The following LRRC8B variants were observed in gnomAD, a reference collection of about 807,000 sequenced individuals.
The protein encoded by LRRC8B is volume-regulated anion channel subunit LRRC8B.
LRRC8B carries 23 observed loss-of-function variants against 58.8 expected under a neutral mutation model. That is an observed-to-expected ratio of 0.39 (90% confidence interval 0.28 to 0.55). The LOEUF is 0.55. LRRC8B is among the 20% of genes least tolerant of loss of function. LRRC8B has a pLI of 0.62. For synonymous variants in LRRC8B, 359 were observed against 374.1 expected (o/e 0.96, Z 0.47); for missense variants, 694 against 936.0 (o/e 0.74, Z 3.37).
At chr1:89,538,123 A>T (rs772707747) in intron 1 of LRRC8B, among the ~76,000 whole-genome samples, 9 of 152,290 alleles carry the variant, frequency 5.9e-5, no homozygotes, top group Non-Finnish European at 1.3e-4. Context: ...GTTAGAACAT[A>T]CCACTCTTTT....
At chr1:89,540,660 TC>T (rs1483532617) in intron 1 of LRRC8B, among the ~76,000 whole-genome samples, 3 of 152,126 alleles carry the variant, frequency 2.0e-5, no homozygotes, top group African/African-American at 7.2e-5. Context: ...GCATACAGCT[TC>T]CTCAGGAAGA....
At chr1:89,548,703 G>A (rs1218226752) in intron 1 of LRRC8B, among the ~76,000 whole-genome samples, 2 of 152,164 alleles carry the variant, frequency 1.3e-5, no homozygotes. Flanking sequence ...GAAGCCAGAA[G>A]TCAGAAGAGT....
rs1655200436 is a variant in LRRC8B, at chr1:89,594,751, T to G, written c.*1708T>G. On this transcript the variant is annotated 3_prime_UTR_variant, in exon 6 of 6. Transcript: ENST00000330947. ...TTTTTAATGAATAAAATCAACTGAC[T>G]CATTTTTGGGAAATGTACATCTTTA... 6.6e-6 allele frequency: 1 copy of G among 152,210 alleles called. No individual in the cohort carries two copies. The highest frequency in any genetic ancestry group is 2.1e-4 in the South Asian group (1 of 4,834). 9.4% of individuals were successfully genotyped at this position (152,210 alleles called of 1,614,324 possible). A position where few individuals can be genotyped will look rare whatever the true frequency, so the allele number is the denominator to read the frequency against.
intron 3 of LRRC8B, among the ~76,000 whole-genome samples, chr1:89,571,425 C>T (rs1653467332): frequency 2.0e-5 from 3 of 151,688 alleles, no homozygotes; most frequent in Admixed American, 2.0e-4. Context: ...CCCTAGTTAT[C>T]TGTATTCCTA....
intron 1 of LRRC8B, among the ~76,000 whole-genome samples, chr1:89,526,131 C>T (rs1258465762): frequency 1.3e-5 from 2 of 152,210 alleles, no homozygotes; most frequent in Non-Finnish European, 2.9e-5. Flanking sequence ...AGAAGTCAAA[C>T]TGCAGTGTAA....
At chr1:89,540,567 TG>T (rs1650886306) in intron 1 of LRRC8B, among the ~76,000 whole-genome samples, 1 of 151,896 alleles carries the variant, frequency 6.6e-6, no homozygotes. Flanking sequence ...AGCATTGGAG[TG>T]GGAGTTGGAA....
chr1:89,552,026 A>G, intron 1 of LRRC8B, among the ~76,000 whole-genome samples: 1 of 152,120 alleles, frequency 6.6e-6, no homozygotes, highest in East Asian at 1.9e-4. Flanking sequence ...TCATTCTTAT[A>G]CAGAGCAGCA....
chr1:89,582,619 T>C lies in LRRC8B; in HGVS notation c.-26-6T>C. ...CAGTAGTGTTTCTTTTATTTCCCTC[T>C]TCCAGTTTCTGTCCTCCTACAAGGG... On this transcript the variant is annotated splice_polypyrimidine_tract_variant and splice_region_variant and intron_variant, in intron 4 of 5. Coordinates refer to ENST00000330947, the MANE Select transcript of LRRC8B (RefSeq NM_001369817.2). The C allele has an allele frequency of 2.0e-6, 3 of 1,504,962 alleles. No individual in the cohort carries two copies. Among genetic ancestry groups the C allele is most frequent in the Middle Eastern group, 3.9e-4 (2 of 5,078 alleles). 93.2% of individuals were successfully genotyped at this position (1,504,962 alleles called of 1,614,324 possible).
intron 1 of LRRC8B, among the ~76,000 whole-genome samples, chr1:89,566,681 C>T (rs1260317886): frequency 6.6e-6 from 1 of 152,200 alleles, no homozygotes; most frequent in African/African-American, 2.4e-5. Context: ...TCTTTGTGCA[C>T]TACAAAAAAG....
At chr1:89,542,045 A>G (rs1370789314) in intron 1 of LRRC8B, among the ~76,000 whole-genome samples, 1 of 152,214 alleles carries the variant, frequency 6.6e-6, no homozygotes, top group Non-Finnish European at 1.5e-5. Context: ...AAGTTGTAAA[A>G]TCCTGGGAGC....
rs755466290 is a variant in LRRC8B, at chr1:89,583,222, C to T, written c.572C>T (p.Ser191Leu). The T allele has an allele frequency of 4.3e-6, 7 of 1,614,146 alleles. No homozygotes were observed. Among genetic ancestry groups the T allele is most frequent in the Middle Eastern group, 1.6e-4 (1 of 6,062 alleles). The change falls in exon 5 of 6, where the codon TCG (serine) becomes TTG (leucine). Residue 191 changes from serine to leucine, a missense_variant. Physicochemically the swap from Ser to Leu is moderately radical, Grantham distance 145 (BLOSUM62 -2). Coordinates refer to ENST00000330947, the MANE Select transcript of LRRC8B (RefSeq NM_001369817.2). The surrounding 1 kb of genome is among the most constrained non-coding windows in gnomAD (Gnocchi z 5.2). ...CTCTCCAAGTCCAAGATTTTGCTTTCGTCCTCAGGGTGTTCAGCTGACATA... is the reference window on the plus strand; with the variant it reads ...CTCTCCAAGTCCAAGATTTTGCTTTTGTCCTCAGGGTGTTCAGCTGACATA... ...LKLSKSKILL[S>L]SSGCSADIDS...
At chr1:89,564,365 T>C (rs1031025534) in intron 1 of LRRC8B, among the ~76,000 whole-genome samples, 2 of 152,244 alleles carry the variant, frequency 1.3e-5, no homozygotes, top group Non-Finnish European at 2.9e-5. Context: ...AAAAGATAGA[T>C]TGTAGCTTTG....
chr1:89,545,106 C>T (rs1030902957), intron 1 of LRRC8B, among the ~76,000 whole-genome samples: 6 of 152,140 alleles, frequency 3.9e-5, no homozygotes, highest in Non-Finnish European at 1.5e-5. Flanking sequence ...CTGTTACATT[C>T]CTCCCAGGGT....
chr1:89,532,914 C>A (rs1650244497), intron 1 of LRRC8B, among the ~76,000 whole-genome samples: 1 of 152,160 alleles, frequency 6.6e-6, no homozygotes, highest in Admixed American at 6.5e-5. Flanking sequence ...AGTTATGTAT[C>A]CCAAGTTTCT....
At chr1:89,546,940 G>A (rs1372431278) in intron 1 of LRRC8B, among the ~76,000 whole-genome samples, 1 of 152,188 alleles carries the variant, frequency 6.6e-6, no homozygotes, top group Non-Finnish European at 1.5e-5. Flanking sequence ...ACTGATTGTT[G>A]TGTTATAGGA....
chr1:89,531,537 T>G (rs1650132031), intron 1 of LRRC8B, among the ~76,000 whole-genome samples: 1 of 152,190 alleles, frequency 6.6e-6, no homozygotes, highest in African/African-American at 2.4e-5. Context: ...AAAGGTGGTC[T>G]TGTTATCTAG....
chr1:89,545,931 A>C (rs1651369453), intron 1 of LRRC8B, among the ~76,000 whole-genome samples: 1 of 152,218 alleles, frequency 6.6e-6, no homozygotes, highest in Admixed American at 6.5e-5. Flanking sequence ...GAAACGATAC[A>C]TCCAGGATTT....
intron 3 of LRRC8B, among the ~76,000 whole-genome samples, chr1:89,569,498 T>C (rs986890968): frequency 1.3e-5 from 2 of 152,134 alleles, no homozygotes; most frequent in Non-Finnish European, 2.9e-5. Context: ...CCAGTGTCTG[T>C]TGTTCCCATC....
intron 5 of LRRC8B, among the ~76,000 whole-genome samples, chr1:89,589,570 T>C (rs1351734305): frequency 1.3e-5 from 2 of 152,034 alleles, no homozygotes; most frequent in African/African-American, 4.8e-5. Flanking sequence ...TTTTTTTTTT[T>C]TTCTTATATT....
Sources: gnomAD v4.1 joint callset for allele counts (sites outside exome capture counted in the v4.1 genomes callset) on GRCh38, gnomAD v4.1.1 for gene constraint, Gnocchi (gnomAD v3.1) non-coding constraint, MANE v1.5 for transcripts, NCBI Gene and HGNC (gene_info 2026-07-23, HGNC 2026-07-21) for gene names.